The following STX17 variants were observed in gnomAD, a reference collection of about 807,000 sequenced individuals.
STX17 encodes syntaxin-17.
Under a neutral mutation model 35.9 loss-of-function variants are expected in STX17, and 29 were observed. The observed-to-expected ratio is 0.81, with a 90% confidence interval of 0.60 to 1.10. The LOEUF is 1.10. Among genes scored for constraint, STX17 ranks in the 50% least tolerant of loss-of-function variants. The pLI, the probability that STX17 is intolerant of heterozygous loss-of-function variation, is 0.00. For synonymous variants in STX17, 92 were observed against 118.3 expected, an observed-to-expected ratio of 0.78 and a Z score of 1.44; for missense variants, 312 against 352.3, an observed-to-expected ratio of 0.89 and a Z score of 0.92.
Position 99,951,130 on chromosome 9 carries a change from T to G in STX17, c.260T>G (p.Leu87Arg). 1.9e-6 allele frequency: 3 copies of G among 1,613,032 alleles called. No individual in the cohort carries two copies. The highest frequency in any genetic ancestry group is 1.7e-6 in the Non-Finnish European group (2 of 1,179,178). The change falls in exon 4 of 8, where the codon CTG becomes CGG. Residue 87 changes from leucine to arginine, a missense_variant. Leu to Arg is a moderately radical substitution (Grantham distance 102, BLOSUM62 -2). Transcript: ENST00000259400. ...GTCCGAAAGGATGACCTAGTACTTCTGAAGAGAATGATAGATCCTGTTAAA... is the reference window on the plus strand; with the variant it reads ...GTCCGAAAGGATGACCTAGTACTTCGGAAGAGAATGATAGATCCTGTTAAA... Reference protein sequence around the residue: ...LKVRKDDLVLLKRMIDPVKEE... With the variant: ...LKVRKDDLVLRKRMIDPVKEE...
intron 4 of STX17, among the ~76,000 whole-genome samples, chr9:99,955,207 A>G (rs1190264111): frequency 6.6e-6 from 1 of 152,140 alleles, no homozygotes; most frequent in Non-Finnish European, 1.5e-5. Context: ...TTAAACAAAT[A>G]TTCACAAAAG....
chr9:99,958,801 G>GTAGATTTT (rs1205680582), intron 4 of STX17, among the ~76,000 whole-genome samples: 1 of 152,214 alleles, frequency 6.6e-6, no homozygotes, highest in Non-Finnish European at 1.5e-5. Context: ...AGACTTGAAG[G>GTAGATTTT]TAGATTTTAA....
In STX17 at chr9:99,968,607, AATG is replaced by A; in HGVS notation, c.847_849del (p.Met283del). 1 of 1,613,896 alleles carries A rather than the reference AATG, an allele frequency of 6.2e-7. No homozygotes were observed. Reference sequence around the variant, plus strand: ...AATTGATACAAAGAAAGAAACAGAAAATGATGGAGAAGCTCACTTCCAGCTGTC... The same window carrying A: ...AATTGATACAAAGAAAGAAACAGAAAATGGAGAAGCTCACTTCCAGCTGTC... On this transcript the variant is annotated inframe_deletion, in exon 8 of 8. Coordinates refer to ENST00000259400, the MANE Select transcript of STX17 (RefSeq NM_017919.3).
At position 99,915,178 on chromosome 9, in the gene STX17, G is replaced by T; in HGVS notation, c.-62G>T. ...TCTTAAAGAAATATTTTTCTTTTAG[G>T]TTTTTCTATATGAGTGGAGAAGACA... On this transcript the variant is annotated splice_region_variant and 5_prime_UTR_variant, in exon 2 of 8. Coordinates refer to ENST00000259400, the MANE Select transcript of STX17 (RefSeq NM_017919.3). The T allele has an allele frequency of 1.3e-6, 2 of 1,492,130 alleles. No homozygotes were observed. Among genetic ancestry groups the T allele is most frequent in the Non-Finnish European group, 8.9e-7 (1 of 1,120,432 alleles). The allele number at this position is 1,492,130 out of a possible 1,614,324, so 92.4% of individuals were successfully genotyped here.
chr9:99,941,984 C>G (rs984756024), intron 3 of STX17, among the ~76,000 whole-genome samples: 32 of 151,976 alleles, frequency 2.1e-4, no homozygotes, highest in South Asian at 2.1e-4. Context: ...GAGTATATTC[C>G]TAGGACAGGA....
intron 4 of STX17, among the ~76,000 whole-genome samples, chr9:99,954,934 A>C (rs1301910775): frequency 1.3e-5 from 2 of 152,212 alleles, no homozygotes; most frequent in Non-Finnish European, 2.9e-5. Flanking sequence ...TCTTTTGTCC[A>C]GATTCCGAGA....
chr9:99,968,238 T>C (rs1005651369), intron 7 of STX17, among the ~76,000 whole-genome samples, 196 bp from the exon 8 acceptor site: 25 of 152,208 alleles, frequency 1.6e-4, no homozygotes, highest in Non-Finnish European at 2.4e-4. Context: ...AGCTCAGCTC[T>C]CTAAGTTCTG....
At chr9:99,913,712 T>C (rs566442712) in intron 1 of STX17, among the ~76,000 whole-genome samples, 2 of 152,290 alleles carry the variant, frequency 1.3e-5, no homozygotes, top group South Asian at 4.1e-4. Flanking sequence ...CCAGTTTCCA[T>C]TCACTGTTGC....
intron 3 of STX17, among the ~76,000 whole-genome samples, chr9:99,948,639 C>A (rs1353714993): frequency 6.6e-6 from 1 of 152,034 alleles, no homozygotes; most frequent in Non-Finnish European, 1.5e-5. Context: ...AGATAAAAGA[C>A]GTAAAGCTGT....
intron 3 of STX17, among the ~76,000 whole-genome samples, chr9:99,939,502 C>A (rs2118422800): frequency 6.6e-6 from 1 of 152,234 alleles, no homozygotes; most frequent in South Asian, 2.1e-4. Context: ...AAAAGTACTG[C>A]CAGTTAACTA....
At chr9:99,941,066 A>G (rs1829349167) in intron 3 of STX17, among the ~76,000 whole-genome samples, 1 of 152,244 alleles carries the variant, frequency 6.6e-6, no homozygotes, top group Non-Finnish European at 1.5e-5. Flanking sequence ...TTAATGAAAG[A>G]TGGAATGTTT....
intron 2 of STX17, among the ~76,000 whole-genome samples, chr9:99,925,835 C>G (rs1265531326): frequency 6.6e-6 from 1 of 151,760 alleles, no homozygotes; most frequent in Non-Finnish European, 1.5e-5. Flanking sequence ...GTATAGCTTT[C>G]TTCATTTTTC....
intron 3 of STX17, among the ~76,000 whole-genome samples, chr9:99,932,305 C>T (rs1048081081): frequency 1.3e-5 from 2 of 151,802 alleles, no homozygotes; most frequent in African/African-American, 2.4e-5. Flanking sequence ...TACAGAGGTC[C>T]AAGAAAAAGA....
In STX17 at chr9:99,974,234, A is replaced by G. The variant is rs1332341546; in HGVS notation, c.*5561A>G. 5.9e-5 allele frequency among the ~76,000 whole-genome samples: 9 copies of G among 152,200 alleles called. No homozygotes were observed. The highest frequency in any genetic ancestry group is 5.9e-4 in the Admixed American group (9 of 15,278). The stretch of plus-strand genomic sequence containing the variant: ...GTCCAGCTCCTGTGAAAAACTTAAT[A>G]TTTGAGAAAGACATTCAATGGTACA... On this transcript the variant is annotated 3_prime_UTR_variant, in exon 8 of 8. Transcript: ENST00000259400.
rs1830030592 is a variant in STX17 at position 99,972,274 on chromosome 9, A to T, written c.*3601A>T. 6.6e-6 allele frequency among the ~76,000 whole-genome samples: 1 copy of T among 152,250 alleles called. No homozygotes were observed. The highest frequency in any genetic ancestry group is 1.5e-5 in the Non-Finnish European group (1 of 68,036). ...TTAAACAGTGCTTTTTGTGTAATTT[A>T]AAAATAAACTTTAATGCTTTTTAAA... On this transcript the variant is annotated 3_prime_UTR_variant, in exon 8 of 8. Coordinates refer to ENST00000259400, the MANE Select transcript of STX17 (RefSeq NM_017919.3).
At chr9:99,960,292 T>C in intron 6 of STX17, 137 bp downstream of exon 6, 1 of 883,860 alleles carries the variant, frequency 1.1e-6, no homozygotes, top group Non-Finnish European at 1.7e-6. Context: ...GATAGAAGTT[T>C]AACTGTTCTC....
At chr9:99,935,398 T>TTA (rs2118403995) in intron 3 of STX17, among the ~76,000 whole-genome samples, 1 of 152,136 alleles carries the variant, frequency 6.6e-6, no homozygotes, top group African/African-American at 2.4e-5. Context: ...ACTGCAAAGC[T>TTA]TGTTAAGTTG....
intron 6 of STX17, among the ~76,000 whole-genome samples, chr9:99,962,107 C>T (rs1253869057): frequency 1.3e-5 from 2 of 152,152 alleles, no homozygotes; most frequent in Non-Finnish European, 1.5e-5. Context: ...CTTTTGCATT[C>T]CTTCTACAAT....
intron 6 of STX17, among the ~76,000 whole-genome samples, chr9:99,961,276 A>C (rs1829821985): frequency 6.6e-6 from 1 of 152,130 alleles, no homozygotes; most frequent in African/African-American, 2.4e-5. Context: ...AGAGAGGAGG[A>C]GGTCATGGAA....
Sources: gnomAD v4.1 joint callset for allele counts (sites outside exome capture counted in the v4.1 genomes callset) on GRCh38, gnomAD v4.1.1 for gene constraint, MANE v1.5 for transcripts, NCBI Gene and HGNC (gene_info 2026-07-23, HGNC 2026-07-21) for gene names.